The following PCMTD1 variants were observed in gnomAD, a reference collection of about 807,000 sequenced individuals.
The protein encoded by PCMTD1 is protein-L-isoaspartate (D-aspartate) O-methyltransferase domain containing 1.
Under a neutral mutation model 37.6 loss-of-function variants are expected in PCMTD1, and 12 were observed. The observed-to-expected ratio is 0.32, with a 90% CI of 0.20 to 0.52. The LOEUF is 0.52. PCMTD1 is among the 20% of genes least tolerant of loss of function. PCMTD1 has a pLI of 0.97. For missense variants in PCMTD1, 235 were observed against 421.3 expected (o/e 0.56, Z 3.87); for synonymous variants, 117 against 135.8 (o/e 0.86, Z 0.96).
chr8:51,885,129 G>A (rs2038846511), intron 1 of PCMTD1, among the ~76,000 whole-genome samples: 1 of 152,092 alleles, frequency 6.6e-6, no homozygotes, highest in Non-Finnish European at 1.5e-5. Flanking sequence ...CAGCAGTTGA[G>A]CAATAAAATT....
chr8:51,825,413 G>GCAACCAACAAGCATAAGAAAAT (rs1563334736), intron 5 of PCMTD1, among the ~76,000 whole-genome samples: 1 of 71,156 alleles, frequency 1.4e-5, no homozygotes, highest in East Asian at 3.3e-4. Flanking sequence ...AGATATTTAT[G>GCAACCAACAAGCATAAGAAAAT]GCCGGGCGCG....
chr8:51,872,489 G>C (rs1296922072), intron 1 of PCMTD1, among the ~76,000 whole-genome samples: 2 of 151,974 alleles, frequency 1.3e-5, no homozygotes, highest in Non-Finnish European at 2.9e-5. Context: ...TTTAAAACAA[G>C]TTGTTCACCT....
intron 5 of PCMTD1, among the ~76,000 whole-genome samples, chr8:51,823,397 C>T (rs184525842): frequency 8.6e-5 from 13 of 152,038 alleles, no homozygotes; most frequent in Non-Finnish European, 1.6e-4. Context: ...CTGGCTAGGT[C>T]GAGGCTGCAC....
At chr8:51,870,916 G>T (rs747606275) in intron 1 of PCMTD1, among the ~76,000 whole-genome samples, 1 of 152,068 alleles carries the variant, frequency 6.6e-6, no homozygotes, top group African/African-American at 2.4e-5. Flanking sequence ...TTTATTGGTC[G>T]TGCAGCCTCA....
chr8:51,878,585 A>C (rs1348727458), intron 1 of PCMTD1, among the ~76,000 whole-genome samples: 1 of 151,940 alleles, frequency 6.6e-6, no homozygotes, highest in Non-Finnish European at 1.5e-5. Flanking sequence ...TCATCTCTAC[A>C]AAAAATTTAA....
At chr8:51,883,259 G>A (rs78046135) in intron 1 of PCMTD1, among the ~76,000 whole-genome samples, 126 of 152,282 alleles carry the variant, frequency 8.3e-4, no homozygotes, top group African/African-American at 3.0e-3. Context: ...ATTATCATCA[G>A]ATTATAAAGT....
intron 1 of PCMTD1, chr8:51,895,934 A>ATTTTTTTTTTTTTTTTTTTTTTT (rs1563367741): frequency 1.7e-5 from 2 of 116,670 alleles, no homozygotes; most frequent in Non-Finnish European, 1.7e-5. Context: ...TATTTGTCCC[A>ATTTTTTTTTTTTTTTTTTTTTTT]TTTCTTTTTT....
chr8:51,826,856 A>G lies in PCMTD1; in HGVS notation c.706+4588T>C. On this transcript the variant is annotated intron_variant, in intron 5 of 5. Coordinates refer to ENST00000522514, the MANE Select transcript of PCMTD1 (RefSeq NM_052937.4). ...AATGTCTTCTCCTCAACCCCAAACA[A>G]AAAAACCACAGAAAGAAATAGGATT... 4 of 833,668 alleles carry G rather than the reference A, an allele frequency of 4.8e-6. No individual in the cohort carries two copies. The South Asian group carries it at 1.7e-4, about 35-fold the overall frequency. The allele number at this position is 833,668 out of a possible 1,614,324, so 51.6% of individuals were successfully genotyped here. A position where few individuals can be genotyped will look rare whatever the true frequency, so the allele number is the denominator to read the frequency against.
intron 5 of PCMTD1, among the ~76,000 whole-genome samples, chr8:51,829,875 T>A (rs933707184): frequency 6.6e-6 from 1 of 151,902 alleles, no homozygotes; most frequent in Non-Finnish European, 1.5e-5. Context: ...GAAAAAAAAA[T>A]TGTATCTTTC....
intron 5 of PCMTD1, chr8:51,827,426 C>T: frequency 1.9e-6 from 1 of 520,048 alleles, no homozygotes; most frequent in Non-Finnish European, 3.5e-6. Flanking sequence ...GTGAGCTGTT[C>T]TGAGTAGTGT....
chr8:51,881,816 A>G (rs1048016020), intron 1 of PCMTD1, among the ~76,000 whole-genome samples: 1 of 152,170 alleles, frequency 6.6e-6, no homozygotes, highest in Non-Finnish European at 1.5e-5. Flanking sequence ...TTCGATTTCA[A>G]AAGTGCATTA....
chr8:51,863,983 CTGAA>C (rs1033394691), intron 1 of PCMTD1, among the ~76,000 whole-genome samples: 1 of 151,018 alleles, frequency 6.6e-6, no homozygotes, highest in African/African-American at 2.4e-5. Context: ...AAAACAATGA[CTGAA>C]TGGATTAGAA....
chr8:51,890,209 A>AT (rs2129295057), intron 1 of PCMTD1, among the ~76,000 whole-genome samples: 1 of 152,330 alleles, frequency 6.6e-6, no homozygotes, highest in African/African-American at 2.4e-5. Context: ...AAAGGTTCAA[A>AT]TTACTCTATT....
At chr8:51,880,774 A>T (rs1001749010) in intron 1 of PCMTD1, among the ~76,000 whole-genome samples, 2 of 152,234 alleles carry the variant, frequency 1.3e-5, no homozygotes. Flanking sequence ...AAGGCCAGTT[A>T]ATAAACATTT....
chr8:51,878,171 A>C (rs898515753), intron 1 of PCMTD1, among the ~76,000 whole-genome samples: 1 of 152,068 alleles, frequency 6.6e-6, no homozygotes, highest in South Asian at 2.1e-4. Flanking sequence ...CATGGGTCAC[A>C]TGCAGCCCAG....
At chr8:51,825,909 TG>T (rs1428294285) in intron 5 of PCMTD1, among the ~76,000 whole-genome samples, 1 of 151,916 alleles carries the variant, frequency 6.6e-6, no homozygotes, top group African/African-American at 2.4e-5. Context: ...TTGGTGGGAG[TG>T]TAAATTAGTT....
At chr8:51,858,684 C>A (rs1311798687) in intron 2 of PCMTD1, among the ~76,000 whole-genome samples, 1 of 152,168 alleles carries the variant, frequency 6.6e-6, no homozygotes, top group African/African-American at 2.4e-5. Context: ...CCTTCTTTAT[C>A]TTTCTCACCA....
At chr8:51,828,999 T>C (rs375042973) in intron 5 of PCMTD1, among the ~76,000 whole-genome samples, 50 of 152,346 alleles carry the variant, frequency 3.3e-4, no homozygotes, top group Middle Eastern at 6.8e-3. Flanking sequence ...TTGTTATATA[T>C]GGATTAAAGT....
rs192523892 is a variant in PCMTD1, at chr8:51,887,613, C to T, written c.-96+11317G>A. Among the ~76,000 whole-genome samples the T allele has an allele frequency of 8.6e-5, 13 of 151,422 alleles. No homozygotes were observed. The East Asian group carries it at 2.5e-3, about 29-fold the overall frequency. On this transcript the variant is annotated intron_variant, in intron 1 of 5. Coordinates refer to ENST00000522514, the MANE Select transcript of PCMTD1 (RefSeq NM_052937.4). ...AACTAGAAACTGCAAAAAAACAAAA[C>T]TATCAATCATTTGGTATGGTAATTA... is the stretch of plus-strand genomic sequence containing the variant.
Sources: gnomAD v4.1 joint callset for allele counts (sites outside exome capture counted in the v4.1 genomes callset) on GRCh38, gnomAD v4.1.1 for gene constraint, MANE v1.5 for transcripts, NCBI Gene and HGNC (gene_info 2026-07-23, HGNC 2026-07-21) for gene names.